Variants in PANK1 observed in about 807,000 individuals in gnomAD.
PANK1 encodes the protein pantothenate kinase 1, also known as pantothenic acid kinase 1.
PANK1 carries 18 observed loss-of-function variants against 40.1 expected under a neutral mutation model. That is an observed-to-expected ratio of 0.45 (90% CI 0.31 to 0.67). The LOEUF (loss-of-function observed/expected upper bound fraction) is 0.67, where lower values mean the gene tolerates loss of function less well. PANK1 is among the 30% of genes least tolerant of loss of function. The pLI, the probability that PANK1 is intolerant of heterozygous loss-of-function variation, is 0.06. For synonymous variants in PANK1, 242 were observed against 237.7 expected (o/e 1.02, Z -0.17); for missense variants, 457 against 599.6 (o/e 0.76, Z 2.48).
At chr10:89,633,921 A>G (rs1314346391) in intron 1 of PANK1, among the ~76,000 whole-genome samples, 1 of 152,170 alleles carries the variant, frequency 6.6e-6, no homozygotes, top group Non-Finnish European at 1.5e-5. Context: ...TACAACCTGC[A>G]CTGGGTCACA....
At chr10:89,579,685 T>C (rs932222138), downstream of PANK1, 19 of 152,218 alleles carry the variant, frequency 1.2e-4, no homozygotes, top group African/African-American at 4.6e-4. Flanking sequence ...TTGCATTTTA[T>C]GATCATCTGA....
intron 1 of PANK1, among the ~76,000 whole-genome samples, chr10:89,631,158 T>A (rs1216327440): frequency 6.6e-6 from 1 of 152,200 alleles, no homozygotes; most frequent in Admixed American, 6.5e-5. Context: ...ATTATTAGAA[T>A]ATGTTAAATG....
At chr10:89,638,113 C>G (rs1324238529) in intron 1 of PANK1, among the ~76,000 whole-genome samples, 4 of 152,114 alleles carry the variant, frequency 2.6e-5, no homozygotes, top group Non-Finnish European at 5.9e-5. Context: ...TGACTAGCAG[C>G]CAGTAGGTTT....
At chr10:89,602,351 G>T (rs1844813355) in intron 2 of PANK1, among the ~76,000 whole-genome samples, 1 of 152,200 alleles carries the variant, frequency 6.6e-6, no homozygotes, top group South Asian at 2.1e-4. Context: ...TCACTGAGGG[G>T]TGGATATCTC....
At position 89,593,319 on chromosome 10, in the gene PANK1, A is replaced by T; in HGVS notation, c.1078T>A (p.Phe360Ile). 5 of 1,613,508 alleles carry T rather than the reference A, an allele frequency of 3.1e-6. No homozygotes were observed. Among genetic ancestry groups the T allele is most frequent in the Non-Finnish European group, 4.2e-6 (5 of 1,179,700 alleles). ...GLQGSAVASS[F>I]GNMMSKEKRD... ...TTTTCTTTACTCATCATGTTGCCAA[A>T]GCTATGTTGGAAATATCAGCGAGAG... Residue 360 changes from phenylalanine (F) to isoleucine (I), a missense_variant and splice_region_variant, in exon 5 of 7, where the codon TTT (phenylalanine) becomes ATT (isoleucine). Physicochemically the swap from Phe to Ile is conservative, Grantham distance 21 (BLOSUM62 0). Around this residue, in one of 4 missense-constraint regions of PANK1, gnomAD observed 286 missense variants for 415.8 expected, o/e 0.69. Transcript: ENST00000307534.
At chr10:89,610,995 A>AG (rs1473701604) in intron 2 of PANK1, among the ~76,000 whole-genome samples, 4 of 152,212 alleles carry the variant, frequency 2.6e-5, no homozygotes, top group East Asian at 1.9e-4. Context: ...CTAAAAAAAA[A>AG]AGAGAGAAAC....
At chr10:89,614,377 A>G (rs1845255020) in intron 1 of PANK1, among the ~76,000 whole-genome samples, 1 of 152,246 alleles carries the variant, frequency 6.6e-6, no homozygotes, top group Non-Finnish European at 1.5e-5. Context: ...AGCATCTTTT[A>G]CCATGCTCAA....
rs1009645186 is a variant in PANK1 at position 89,590,028 on chromosome 10, TAAAAAAGAAAAAAA to T, written c.1201-1265_1201-1252del. Among the ~76,000 whole-genome samples the T allele has an allele frequency of 2.8e-3, 213 of 74,780 alleles. 1 individual carries two copies. In the Middle Eastern group the frequency reaches 0.082, roughly 29 times the overall value. The allele number at this position is 74,780 out of a possible 152,430, so 49.1% of individuals were successfully genotyped here. On this transcript the variant is annotated intron_variant, in intron 5 of 6. Coordinates refer to ENST00000307534, the MANE Select transcript of PANK1 (RefSeq NM_148977.3). The stretch of plus-strand genomic sequence containing the variant: ...TAAATTCCAGGTGGGTCAAAGATGT[TAAAAAAGAAAAAAA>T]AAAAAAGAAAGAAAGAAAAGAAAAA...
intron 1 of PANK1, among the ~76,000 whole-genome samples, chr10:89,621,915 T>C (rs1469303100): frequency 6.6e-6 from 1 of 152,208 alleles, no homozygotes; most frequent in Non-Finnish European, 1.5e-5. Context: ...GATTTTGCCA[T>C]GTTGGCCAGA....
At chr10:89,604,674 C>T (rs1345688221) in intron 2 of PANK1, among the ~76,000 whole-genome samples, 11 of 118,926 alleles carry the variant, frequency 9.2e-5, no homozygotes, top group African/African-American at 3.7e-4. Flanking sequence ...AGCCTGGGCA[C>T]AGACTGAAAC....
At chr10:89,595,831 AAAATATAT>A (rs1157295846) in intron 3 of PANK1, among the ~76,000 whole-genome samples, 49 of 56,656 alleles carry the variant, frequency 8.6e-4, no homozygotes, top group African/African-American at 4.5e-3. Context: ...AAAAAAAAAA[AAAATATAT>A]ATATATATAT....
At chr10:89,603,038 T>A (rs991919033) in intron 2 of PANK1, among the ~76,000 whole-genome samples, 6 of 152,194 alleles carry the variant, frequency 3.9e-5, no homozygotes, top group Admixed American at 3.3e-4. Flanking sequence ...GATCCTATAA[T>A]GAGCCTTAAA....
At chr10:89,637,315 G>T (rs553532791) in intron 1 of PANK1, among the ~76,000 whole-genome samples, 1 of 152,056 alleles carries the variant, frequency 6.6e-6, no homozygotes, top group Non-Finnish European at 1.5e-5. Context: ...ACTTAATGAC[G>T]GGTATTTTCA....
At chr10:89,606,626 C>T (rs958700119) in intron 2 of PANK1, among the ~76,000 whole-genome samples, 2 of 125,932 alleles carry the variant, frequency 1.6e-5, no homozygotes, top group African/African-American at 5.5e-5. Context: ...TGGGCTCAAG[C>T]GATCCTCCCA....
At chr10:89,605,097 A>C (rs1437786890) in intron 2 of PANK1, among the ~76,000 whole-genome samples, 5 of 152,096 alleles carry the variant, frequency 3.3e-5, no homozygotes, top group African/African-American at 1.2e-4. Context: ...CTGAATTTTA[A>C]AATATATTTA....
At chr10:89,609,984 T>C (rs1465284860) in intron 2 of PANK1, among the ~76,000 whole-genome samples, 1 of 152,156 alleles carries the variant, frequency 6.6e-6, no homozygotes, top group African/African-American at 2.4e-5. Flanking sequence ...AGATAGGGCA[T>C]CCTTGAGGGA....
chr10:89,639,103 C>T, intron 1 of PANK1: 1 of 374,232 alleles, frequency 2.7e-6, no homozygotes. Context: ...TAATAGAATA[C>T]CTGTGACTGG....
chr10:89,593,365 C>A, intron 4 of PANK1, 45 bp from the exon 5 acceptor site: 1 of 1,596,778 alleles, frequency 6.3e-7, no homozygotes, highest in Non-Finnish European at 8.5e-7. Context: ...CGTCCTCAGG[C>A]AGGGCCCATC....
intron 4 of PANK1, 56 bp from the exon 5 acceptor site, chr10:89,593,376 C>G: frequency 6.3e-7 from 1 of 1,584,862 alleles, no homozygotes; most frequent in South Asian, 1.2e-5. Flanking sequence ...AGGGCCCATC[C>G]TTCCACCAAA....
Sources: gnomAD v4.1 joint callset for allele counts (sites outside exome capture counted in the v4.1 genomes callset) on GRCh38, gnomAD v4.1.1 for gene constraint, gnomAD v4.1.1 regional missense constraint, MANE v1.5 for transcripts, NCBI Gene and HGNC (gene_info 2026-07-23, HGNC 2026-07-21) for gene names.